The following STAT1 variants were observed in gnomAD, a reference collection of about 807,000 sequenced individuals.
STAT1 encodes signal transducer and activator of transcription 1-alpha/beta.
In STAT1, 24 loss-of-function variants were observed where a neutral mutation model predicts 111.7. That is an observed-to-expected ratio of 0.21 (90% confidence interval 0.16 to 0.30). The LOEUF (loss-of-function observed/expected upper bound fraction) is 0.30, where lower values mean the gene tolerates loss of function less well. Among genes scored for constraint, STAT1 ranks in the 10% least tolerant of loss-of-function variants. STAT1 has a pLI of 1.00. For missense variants in STAT1, 351 were observed against 911.9 expected (o/e 0.38, Z 7.92); for synonymous variants, 332 against 326.5 (o/e 1.02, Z -0.18).
In STAT1 at chr2:191,003,989, C is replaced by T. The variant is rs1559022691; in HGVS notation, c.373-2826G>A. On this transcript the variant is annotated intron_variant, in intron 5 of 24. Transcript: ENST00000361099. The surrounding 1 kb of genome is among the most constrained non-coding windows in gnomAD (Gnocchi z 4.0). ...GCAGCTACATCCCCAGCTTCTACAT[C>T]CCCTTTCTACTGACTTGCTGGGAGA... Among the ~76,000 whole-genome samples, 2 of 152,192 alleles carry T rather than the reference C, an allele frequency of 1.3e-5. No homozygotes were observed. The highest frequency in any genetic ancestry group is 6.5e-5 in the Admixed American group (1 of 15,282).
In STAT1 at chr2:191,004,388, C is replaced by T. The variant is rs758668902; in HGVS notation, c.372+3175G>A. Among the ~76,000 whole-genome samples the T allele has an allele frequency of 1.3e-5, 2 of 152,168 alleles. No individual in the cohort carries two copies. Among genetic ancestry groups the T allele is most frequent in the Non-Finnish European group, 2.9e-5 (2 of 68,030 alleles). On this transcript the variant is annotated intron_variant, in intron 5 of 24. Transcript: ENST00000361099. This position sits in a 1 kb window ranked among gnomAD's most constrained non-coding sequence, Gnocchi z 5.0. ...TGGATGGGAACTTGGTTACTCCAGA[C>T]CCCAGAGCAAAGAAAAGTCTTCTGC...
Position 190,983,726 on chromosome 2 carries a change from G to T in STAT1, c.1362C>A (p.Pro454=), listed in dbSNP as rs753907638. The T allele has an allele frequency of 1.2e-6, 2 of 1,613,994 alleles. No homozygotes were observed. The highest frequency in any genetic ancestry group is 1.7e-6 in the Non-Finnish European group (2 of 1,179,992). Residue 454 remains proline (P), a synonymous_variant, in exon 17 of 25, where the codon CCC becomes CCA. Transcript: ENST00000361099. The surrounding 1 kb of genome is among the most constrained non-coding windows in gnomAD (Gnocchi z 5.7). ...GGCTGACGTTGGAGATCACCACAAC[G>T]GGCAGAGAGGTCGTCTAAAGGATGA... The part of the protein sequence containing the change: ...LVIDLETTSL[P]VVVISNVSQL...
chr2:191,010,667 T>G (rs1432252494), intron 2 of STAT1, among the ~76,000 whole-genome samples: 2 of 152,242 alleles, frequency 1.3e-5, no homozygotes, highest in African/African-American at 4.8e-5. Flanking sequence ...ATGATTCATA[T>G]GGTAAAATTC....
At chr2:191,010,454 A>C (rs1224899246) in intron 2 of STAT1, 4 of 455,670 alleles carry the variant, frequency 8.8e-6, no homozygotes, top group African/African-American at 8.1e-5. Context: ...GTATCCCTAG[A>C]ACAATGTCAA....
chr2:190,994,914 C>CAAAA lies in STAT1; in HGVS notation c.944+143_944+146dup, dbSNP rs1220419590. On this transcript the variant is annotated intron_variant, in intron 10 of 24. Transcript: ENST00000361099. ...CTGGGTGATAGGTGAGACTCTATCT[C>CAAAA]AAAAAAAAAAAAAATATATATATAT... 3.6e-4 allele frequency: 35 copies of CAAAA among 97,234 alleles called. No individual in the cohort carries two copies. The East Asian group carries it at 3.7e-3, about 10-fold the overall frequency. 6.0% of individuals were successfully genotyped at this position (97,234 alleles called of 1,614,324 possible).
In STAT1 at chr2:191,006,987, C is replaced by T. The variant is rs1221661892; in HGVS notation, c.372+576G>A. The stretch of plus-strand genomic sequence containing the variant: ...CTCCTTGCCTTCCCAGCTCCGTGTA[C>T]AGCATTACCATTTTTCAAGGGGTTC... On this transcript the variant is annotated intron_variant, in intron 5 of 24. Transcript: ENST00000361099. This position sits in a 1 kb window ranked among gnomAD's most constrained non-coding sequence, Gnocchi z 4.6. Among the ~76,000 whole-genome samples the T allele has an allele frequency of 1.3e-5, 2 of 152,262 alleles. No individual in the cohort carries two copies. The highest frequency in any genetic ancestry group is 2.1e-4 in the South Asian group (1 of 4,826).
In STAT1 at chr2:190,984,782, C is replaced by T. The variant is rs1179161690; in HGVS notation, c.1264-389G>A. Among the ~76,000 whole-genome samples, 1 of 152,216 alleles carries T rather than the reference C, an allele frequency of 6.6e-6. No homozygotes were observed. Among genetic ancestry groups the T allele is most frequent in the African/African-American group, 2.4e-5 (1 of 41,454 alleles). On this transcript the variant is annotated intron_variant, in intron 15 of 24. Coordinates refer to ENST00000361099, the MANE Select transcript of STAT1 (RefSeq NM_007315.4). The surrounding 1 kb of genome is among the most constrained non-coding windows in gnomAD (Gnocchi z 5.2). The stretch of plus-strand genomic sequence containing the variant: ...GTGCATACTTGTGATTGTCTACTGC[C>T]TACCGGAAGGGCTGACTCACATCAA...
rs745491762 is a variant in STAT1 at position 190,978,964 on chromosome 2, C to T, written c.1765G>A (p.Ala589Thr). The change falls in exon 21 of 25, where the codon GCC (alanine) becomes ACC (threonine). Residue 589 changes from alanine to threonine, a missense_variant. By Grantham distance (58) the Ala-to-Thr change is moderately conservative (BLOSUM62 0). Coordinates refer to ENST00000361099, the MANE Select transcript of STAT1 (RefSeq NM_007315.4). This position sits in a 1 kb window ranked among gnomAD's most constrained non-coding sequence, Gnocchi z 6.1. Reference sequence around the variant, plus strand: ...CCCGGCTGCTGGTCCTTCAACAGGGCACGCTCTCGCTCCTTGCTGATGAAG... The same window carrying T: ...CCCGGCTGCTGGTCCTTCAACAGGGTACGCTCTCGCTCCTTGCTGATGAAG... The part of the protein sequence containing the change: ...MGFISKERER[A>T]LLKDQQPGTF... The T allele has an allele frequency of 3.7e-6, 6 of 1,614,070 alleles. No homozygotes were observed. In the African/African-American group the frequency reaches 4.0e-5, roughly 11 times the overall value.
rs908637245 is a variant in STAT1 at position 191,000,385 on chromosome 2, G to A, written c.463-681C>T. 6.6e-6 allele frequency among the ~76,000 whole-genome samples: 1 copy of A among 152,186 alleles called. No individual in the cohort carries two copies. The highest frequency in any genetic ancestry group is 2.1e-4 in the South Asian group (1 of 4,832). ...CAAAGAATGTGGAGTTTGGAAAGATGCTGTCTGAAGCATGTAAGTCAAGGC... is the reference window on the plus strand; with the variant it reads ...CAAAGAATGTGGAGTTTGGAAAGATACTGTCTGAAGCATGTAAGTCAAGGC... On this transcript the variant is annotated intron_variant, in intron 6 of 24. Coordinates refer to ENST00000361099, the MANE Select transcript of STAT1 (RefSeq NM_007315.4). This position sits in a 1 kb window ranked among gnomAD's most constrained non-coding sequence, Gnocchi z 4.8.
Position 190,974,681 on chromosome 2 carries a change from C to G in STAT1, c.2238+149G>C. On this transcript the variant is annotated intron_variant, in intron 24 of 24. Transcript: ENST00000361099. The surrounding 1 kb of genome is among the most constrained non-coding windows in gnomAD (Gnocchi z 4.8). ...GGTGGTTTAAATCCAGCAGCTCCAA[C>G]TTGTCATGGCTCATCTGAGCACTGC... The G allele has an allele frequency of 1.4e-6, 1 of 715,578 alleles. No individual in the cohort carries two copies. The allele number at this position is 715,578 out of a possible 1,614,324, so 44.3% of individuals were successfully genotyped here. A position where few individuals can be genotyped will look rare whatever the true frequency, so the allele number is the denominator to read the frequency against.
intron 2 of STAT1, among the ~76,000 whole-genome samples, chr2:191,011,174 C>G (rs1284673035): frequency 6.6e-6 from 1 of 152,184 alleles, no homozygotes; most frequent in African/African-American, 2.4e-5. Flanking sequence ...AGCTAGTTAT[C>G]CTCATATATA....
rs1559023875 is a variant in STAT1 at position 191,006,167 on chromosome 2, C to G, written c.372+1396G>C. ...TGTCCTTTCAAGTCTATTAGAAATA[C>G]AGAGGAGGCCCACGCATACTACTTT... is the stretch of plus-strand genomic sequence containing the variant. On this transcript the variant is annotated intron_variant, in intron 5 of 24. Coordinates refer to ENST00000361099, the MANE Select transcript of STAT1 (RefSeq NM_007315.4). This position sits in a 1 kb window ranked among gnomAD's most constrained non-coding sequence, Gnocchi z 4.6. Among the ~76,000 whole-genome samples the G allele has an allele frequency of 6.6e-6, 1 of 152,308 alleles. No homozygotes were observed. Among genetic ancestry groups the G allele is most frequent in the Non-Finnish European group, 1.5e-5 (1 of 68,024 alleles).
At chr2:191,008,852 T>C in intron 4 of STAT1, 111 bp downstream of exon 4, 2 of 1,169,832 alleles carry the variant, frequency 1.7e-6, no homozygotes, top group Non-Finnish European at 2.4e-6. Flanking sequence ...TAGTCTCTAT[T>C]ACTTCTCTAA....
At position 190,974,078 on chromosome 2, in the gene STAT1, G is replaced by A. The variant is rs1441677462; in HGVS notation, c.2238+752C>T. On this transcript the variant is annotated intron_variant, in intron 24 of 24. Transcript: ENST00000361099. This position sits in a 1 kb window ranked among gnomAD's most constrained non-coding sequence, Gnocchi z 4.8. The stretch of plus-strand genomic sequence containing the variant: ...GCATTAAATAAATTTTTAAAAATGA[G>A]CTGGAATAGCTCCATGTGGAAAAGA... Among the ~76,000 whole-genome samples the A allele has an allele frequency of 6.6e-6, 1 of 152,132 alleles. No homozygotes were observed. Among genetic ancestry groups the A allele is most frequent in the African/African-American group, 2.4e-5 (1 of 41,418 alleles).
At chr2:190,985,310 T>C (rs1692717895) in intron 15 of STAT1, among the ~76,000 whole-genome samples, 1 of 152,198 alleles carries the variant, frequency 6.6e-6, no homozygotes. Context: ...CTTAGCTAAA[T>C]CCTGCAAACT....
Position 191,013,697 on chromosome 2 carries a change from G to A in STAT1, c.-155-19C>T, listed in dbSNP as rs1695313456. ...AAACTTTCTGCGAAAAGAAGAAAAC[G>A]TGACTGATGGAAAGGGGTGGAAACG... On this transcript the variant is annotated intron_variant, in intron 1 of 24. Coordinates refer to ENST00000361099, the MANE Select transcript of STAT1 (RefSeq NM_007315.4). 1 of 398,672 alleles carries A rather than the reference G, an allele frequency of 2.5e-6. No individual in the cohort carries two copies. Among genetic ancestry groups the A allele is most frequent in the Non-Finnish European group, 4.4e-6 (1 of 226,170 alleles). The allele number at this position is 398,672 out of a possible 1,614,324, so 24.7% of individuals were successfully genotyped here.
At chr2:190,988,533 C>G (rs1559013037) in intron 12 of STAT1, among the ~76,000 whole-genome samples, 1 of 152,176 alleles carries the variant, frequency 6.6e-6, no homozygotes, top group Non-Finnish European at 1.5e-5. Context: ...TGCACACCAC[C>G]ACACCTGGCT....
In STAT1 at chr2:191,004,158, C is replaced by A. The variant is rs1423650137; in HGVS notation, c.373-2995G>T. ...TCCCTCCCTGCTTCCCTCCACCCTGCCCCCATCTGCTAAGCAGATGCTTGG... is the reference window on the plus strand; with the variant it reads ...TCCCTCCCTGCTTCCCTCCACCCTGACCCCATCTGCTAAGCAGATGCTTGG... On this transcript the variant is annotated intron_variant, in intron 5 of 24. Coordinates refer to ENST00000361099, the MANE Select transcript of STAT1 (RefSeq NM_007315.4). The surrounding 1 kb of genome is among the most constrained non-coding windows in gnomAD (Gnocchi z 5.0). 6.6e-6 allele frequency among the ~76,000 whole-genome samples: 1 copy of A among 152,190 alleles called. No homozygotes were observed. The highest frequency in any genetic ancestry group is 1.9e-4 in the East Asian group (1 of 5,198).
At position 190,993,340 on chromosome 2, in the gene STAT1, G is replaced by A. The variant is rs1336848892; in HGVS notation, c.944+1721C>T. 2 of 906,042 alleles carry A rather than the reference G, an allele frequency of 2.2e-6. No individual in the cohort carries two copies. Among genetic ancestry groups the A allele is most frequent in the African/African-American group, 1.7e-5 (1 of 60,422 alleles). The allele number at this position is 906,042 out of a possible 1,614,324, so 56.1% of individuals were successfully genotyped here. ...TGGCTCCTCTGTAATAACTGGAGAT[G>A]ACTGTTCGAAACCTTTCCTGTTCTG... On this transcript the variant is annotated intron_variant, in intron 10 of 24. Transcript: ENST00000361099. This position sits in a 1 kb window ranked among gnomAD's most constrained non-coding sequence, Gnocchi z 4.1.
Sources: allele counts gnomAD v4.1 joint callset (sites outside exome capture counted in the v4.1 genomes callset), GRCh38; gene constraint gnomAD v4.1.1; non-coding constraint Gnocchi (gnomAD v3.1); transcripts MANE v1.5; gene names NCBI Gene and HGNC (gene_info 2026-07-23, HGNC 2026-07-21).